Variants in PXK observed in about 807,000 individuals in gnomAD.
The protein encoded by PXK is PX domain containing serine/threonine kinase like, also known as PX domain-containing protein kinase-like protein.
Under a neutral mutation model 84.7 loss-of-function variants are expected in PXK, and 35 were observed. The observed-to-expected ratio is 0.41, with a 90% CI of 0.32 to 0.55. PXK has a LOEUF of 0.55. Ranked by LOEUF, PXK falls within the 20% of genes least tolerant of loss-of-function variation. PXK has a pLI of 0.21. For synonymous variants in PXK, 253 were observed against 260.8 expected (o/e 0.97, Z 0.29); for missense variants, 634 against 699.7 (o/e 0.91, Z 1.06).
At chr3:58,392,725 G>A (rs1423172939) in intron 7 of PXK, among the ~76,000 whole-genome samples, 2 of 151,116 alleles carry the variant, frequency 1.3e-5, no homozygotes, top group African/African-American at 2.4e-5. Flanking sequence ...GCAGTGGTGC[G>A]ATCTCGGCTC....
intron 3 of PXK, among the ~76,000 whole-genome samples, chr3:58,377,605 T>C (rs953669209): frequency 8.5e-6 from 1 of 118,128 alleles, no homozygotes; most frequent in African/African-American, 3.0e-5. Context: ...TATCTCTTTC[T>C]AAAAAAAAAA....
intron 1 of PXK, among the ~76,000 whole-genome samples, chr3:58,338,173 C>A (rs577447589): frequency 6.6e-6 from 1 of 151,848 alleles, no homozygotes; most frequent in African/African-American, 2.4e-5. Context: ...AAAACTCAGT[C>A]TCTACTAAAA....
chr3:58,336,055 ATATATATATATATATATTT>A (rs1291763545), intron 1 of PXK, among the ~76,000 whole-genome samples: 14 of 58,480 alleles, frequency 2.4e-4, no homozygotes, highest in African/African-American at 4.5e-4. Flanking sequence ...ATATATATAT[ATATATATATATATATATTT>A]TTTTTTTTTT....
chr3:58,391,690 G>A (rs1023381585), intron 6 of PXK, 83 bp from the exon 7 acceptor site: 2 of 1,246,746 alleles, frequency 1.6e-6, no homozygotes, highest in African/African-American at 3.0e-5. Flanking sequence ...TCATATTTTG[G>A]ATAATAAAAT....
intron 3 of PXK, among the ~76,000 whole-genome samples, chr3:58,374,959 T>C (rs956818388): frequency 1.3e-5 from 2 of 152,194 alleles, no homozygotes; most frequent in African/African-American, 4.8e-5. Flanking sequence ...ACATTATAAT[T>C]GCAGCTGTTG....
chr3:58,395,243 C>T lies in PXK; in HGVS notation c.720+141C>T, dbSNP rs2057458990. The T allele has an allele frequency of 5.1e-6, 3 of 586,694 alleles. No homozygotes were observed. In the East Asian group the frequency reaches 8.5e-5, roughly 17 times the overall value. 36.3% of individuals were successfully genotyped at this position (586,694 alleles called of 1,614,324 possible). On this transcript the variant is annotated intron_variant, in intron 8 of 17. Transcript: ENST00000356151. ...ATTTTATTTGGAATTTATTTTTATT[C>T]ATGCAATAAAAACTCTACTTAGTTT... is the stretch of plus-strand genomic sequence containing the variant.
chr3:58,382,595 G>C lies in PXK; in HGVS notation c.283G>C (p.Gly95Arg). Residue 95 changes from glycine (G) to arginine (R), a missense_variant, in exon 4 of 18, where the codon GGT becomes CGT. By Grantham distance (125) the Gly-to-Arg change is moderately radical. This residue lies in a region of PXK where 353 missense variants were observed against 385.2 expected (regional missense o/e 0.92). Coordinates refer to ENST00000356151, the MANE Select transcript of PXK (RefSeq NM_017771.5). ...TGAATTCATAGCTGAAAGGCAGAAA[G>C]GTCTTCAGAACTATCTCAACGTGAT... ...DREFIAERQK[G>R]LQNYLNVITT... The C allele has an allele frequency of 6.2e-7, 1 of 1,606,438 alleles. No individual in the cohort carries two copies. Among genetic ancestry groups the C allele is most frequent in the Non-Finnish European group, 8.5e-7 (1 of 1,177,554 alleles).
At chr3:58,361,125 C>T (rs970005470) in intron 1 of PXK, among the ~76,000 whole-genome samples, 3 of 151,542 alleles carry the variant, frequency 2.0e-5, no homozygotes, top group East Asian at 1.9e-4. Context: ...GGCGAAACCC[C>T]GTCTCTACTA....
Position 58,397,748 on chromosome 3 carries a change from TCTGGGCCCTAGTA to T in PXK, c.1102+27_1102+39del. ...GTCAGTATGGGGTTGGGAAGGGTCT[TCTGGGCCCTAGTA>T]GTGTGCAGAGCCACTCATCCCCTTT... On this transcript the variant is annotated intron_variant, in intron 11 of 17. Coordinates refer to ENST00000356151, the MANE Select transcript of PXK (RefSeq NM_017771.5). The surrounding 1 kb of genome is among the most constrained non-coding windows in gnomAD (Gnocchi z 4.7). The T allele has an allele frequency of 3.8e-6, 6 of 1,562,296 alleles. No individual in the cohort carries two copies. Among genetic ancestry groups the T allele is most frequent in the Non-Finnish European group, 5.3e-6 (6 of 1,133,414 alleles).
intron 1 of PXK, among the ~76,000 whole-genome samples, chr3:58,342,634 CA>C (rs71091369): frequency 2.0e-4 from 23 of 113,456 alleles, no homozygotes; most frequent in Non-Finnish European, 3.1e-4. Flanking sequence ...GACTCTGTCT[CA>C]AAAAAAAAAA....
intron 1 of PXK, among the ~76,000 whole-genome samples, chr3:58,361,570 C>G (rs1228481491): frequency 6.6e-6 from 1 of 152,140 alleles, no homozygotes; most frequent in East Asian, 1.9e-4. Context: ...TTTGTCACTT[C>G]AAGAATGTTA....
rs72624863 is a variant in PXK at position 58,379,573 on chromosome 3, A to G, written c.202-2941A>G. ...AGTGACCAAAACAAATAGGAAAAAA[A>G]GGAACCATCAGGAAGCAGAAGGTAT... On this transcript the variant is annotated intron_variant, in intron 3 of 17. Coordinates refer to ENST00000356151, the MANE Select transcript of PXK (RefSeq NM_017771.5). The surrounding 1 kb of genome is among the most constrained non-coding windows in gnomAD (Gnocchi z 5.1). The G allele has an allele frequency of 0.24, 36,198 of 152,936 alleles. 6,009 individuals carry two copies. Among genetic ancestry groups the G allele is most frequent in the East Asian group, 0.81 (4,157 of 5,154 alleles). 9.5% of individuals were successfully genotyped at this position (152,936 alleles called of 1,614,324 possible). A position where few individuals can be genotyped will look rare whatever the true frequency, so the allele number is the denominator to read the frequency against.
rs2098528481 is a variant in PXK at position 58,383,918 on chromosome 3, T to C, written c.388+1218T>C. Among the ~76,000 whole-genome samples the C allele has an allele frequency of 6.6e-6, 1 of 152,220 alleles. No homozygotes were observed. ...CTATTTTATTCCTTTTATTTATTTA[T>C]TCATACCCATTCATTCACCAAAATA... On this transcript the variant is annotated intron_variant, in intron 4 of 17. Transcript: ENST00000356151. This position sits in a 1 kb window ranked among gnomAD's most constrained non-coding sequence, Gnocchi z 4.0.
At chr3:58,354,464 T>G (rs1222347121) in intron 1 of PXK, among the ~76,000 whole-genome samples, 1 of 151,340 alleles carries the variant, frequency 6.6e-6, no homozygotes, top group Non-Finnish European at 1.5e-5. Context: ...TTTTTTTTTT[T>G]GAGACTGAGT....
rs2059510160 is a variant in PXK, at chr3:58,407,006, A to G, written c.1231-1918A>G. On this transcript the variant is annotated intron_variant, in intron 13 of 17. Coordinates refer to ENST00000356151, the MANE Select transcript of PXK (RefSeq NM_017771.5). The surrounding 1 kb of genome is among the most constrained non-coding windows in gnomAD (Gnocchi z 4.3). ...CTTTTACCTCTTGTCTGTCATGAATAATGCTGCAGTGAACATGGGTGTGCA... is the reference window on the plus strand; with the variant it reads ...CTTTTACCTCTTGTCTGTCATGAATGATGCTGCAGTGAACATGGGTGTGCA... Among the ~76,000 whole-genome samples, 1 of 152,200 alleles carries G rather than the reference A, an allele frequency of 6.6e-6. No individual in the cohort carries two copies. Among genetic ancestry groups the G allele is most frequent in the Non-Finnish European group, 1.5e-5 (1 of 68,036 alleles).
At chr3:58,342,355 T>C (rs762311038) in intron 1 of PXK, among the ~76,000 whole-genome samples, 5 of 149,522 alleles carry the variant, frequency 3.3e-5, no homozygotes, top group Non-Finnish European at 7.5e-5. Context: ...CGGAAAAACT[T>C]TTTTAGGCCA....
At position 58,390,610 on chromosome 3, in the gene PXK, C is replaced by T. The variant is rs757280772; in HGVS notation, c.417C>T (p.Phe139=). 2 of 1,613,244 alleles carry T rather than the reference C, an allele frequency of 1.2e-6. No homozygotes were observed. Among genetic ancestry groups the T allele is most frequent in the Non-Finnish European group, 8.5e-7 (1 of 1,179,502 alleles). The part of the protein sequence containing the change: ...TEIALQQVSM[F]FRSEPKWEVV... Reference sequence around the variant, plus strand: ...TTGCCTTGCAACAGGTTTCCATGTTCTTCCGATCAGAACCAAAGTGGGAGG... The same window carrying T: ...TTGCCTTGCAACAGGTTTCCATGTTTTTCCGATCAGAACCAAAGTGGGAGG... Residue 139 remains phenylalanine (F), a synonymous_variant, in exon 5 of 18, where the codon TTC becomes TTT. Coordinates refer to ENST00000356151, the MANE Select transcript of PXK (RefSeq NM_017771.5). This position sits in a 1 kb window ranked among gnomAD's most constrained non-coding sequence, Gnocchi z 4.2.
rs142182696 is a variant in PXK, at chr3:58,409,383, C to G, written c.1309-149C>G. ...TTTGGCATACTCCTCTACCTGGCATCCAGACCCGAGCCAGGAAGTAGACAG... is the reference window on the plus strand; with the variant it reads ...TTTGGCATACTCCTCTACCTGGCATGCAGACCCGAGCCAGGAAGTAGACAG... On this transcript the variant is annotated intron_variant, in intron 14 of 17. Coordinates refer to ENST00000356151, the MANE Select transcript of PXK (RefSeq NM_017771.5). The surrounding 1 kb of genome is among the most constrained non-coding windows in gnomAD (Gnocchi z 4.2). 1.1e-4 allele frequency: 80 copies of G among 753,166 alleles called. No individual in the cohort carries two copies. In the East Asian group the frequency reaches 2.1e-3, roughly 20 times the overall value. 46.7% of individuals were successfully genotyped at this position (753,166 alleles called of 1,614,324 possible).
In PXK at chr3:58,421,454, G is replaced by A. The variant is rs530474553; in HGVS notation, c.1529-3298G>A. The A allele has an allele frequency of 1.4e-5, 11 of 765,976 alleles. No individual in the cohort carries two copies. The highest frequency in any genetic ancestry group is 1.9e-5 in the African/African-American group (1 of 52,580). 47.4% of individuals were successfully genotyped at this position (765,976 alleles called of 1,614,324 possible). On this transcript the variant is annotated intron_variant, in intron 17 of 17. Coordinates refer to ENST00000356151, the MANE Select transcript of PXK (RefSeq NM_017771.5). This position sits in a 1 kb window ranked among gnomAD's most constrained non-coding sequence, Gnocchi z 5.5. Reference sequence around the variant, plus strand: ...AAATTAGGTGGGCATGGTACCACGCGCCTGTAATCCCAGCTACTCGGGAGG... The same window carrying A: ...AAATTAGGTGGGCATGGTACCACGCACCTGTAATCCCAGCTACTCGGGAGG...
Sources: allele counts gnomAD v4.1 joint callset (sites outside exome capture counted in the v4.1 genomes callset), GRCh38; gene constraint gnomAD v4.1.1; regional missense constraint gnomAD v4.1.1; non-coding constraint Gnocchi (gnomAD v3.1); transcripts MANE v1.5; gene names NCBI Gene and HGNC (gene_info 2026-07-23, HGNC 2026-07-21).